The following SP140 variants were observed in gnomAD, a reference collection of about 807,000 sequenced individuals.
SP140 encodes SP140 nuclear body protein.
In SP140, 81 loss-of-function variants were observed where a neutral mutation model predicts 125.0. The observed-to-expected ratio is 0.65, with a 90% CI of 0.54 to 0.78. The LOEUF (loss-of-function observed/expected upper bound fraction) is 0.78, where lower values mean the gene tolerates loss of function less well. SP140 is among the 30% of genes least tolerant of loss of function. SP140 has a pLI of 0.00. For synonymous variants in SP140, 312 were observed against 354.0 expected, an observed-to-expected ratio of 0.88 and a Z score of 1.33; for missense variants, 858 against 1,037.0, an observed-to-expected ratio of 0.83 and a Z score of 2.37.
In SP140 at chr2:230,248,005, C is replaced by T. The variant is rs1208231188; in HGVS notation, c.832C>T (p.Pro278Ser). ...KQGEEEGRNS[P>S]RKRNQDKEKY... is the part of the protein sequence containing the mutation. ...GGGAGAGGAGGAAGGCAGGAACAGT[C>T]CCAGAAAAAGAAACCAAGACAAGGA... Residue 278 changes from proline (P) to serine (S), a missense_variant, in exon 8 of 27, where the codon CCC becomes TCC. Physicochemically the swap from Pro to Ser is moderately conservative, Grantham distance 74. This residue lies in a region of SP140 where 791 missense variants were observed against 869.5 expected (regional missense o/e 0.91). Coordinates refer to ENST00000392045, the MANE Select transcript of SP140 (RefSeq NM_007237.5). 1 of 1,613,394 alleles carries T rather than the reference C, an allele frequency of 6.2e-7. No individual in the cohort carries two copies. The highest frequency in any genetic ancestry group is 8.5e-7 in the Non-Finnish European group (1 of 1,179,788).
intron 12 of SP140, among the ~76,000 whole-genome samples, chr2:230,266,759 G>A (rs1049371940): frequency 6.6e-6 from 1 of 152,180 alleles, no homozygotes; most frequent in Non-Finnish European, 1.5e-5. Flanking sequence ...GCTCCTGGAA[G>A]CCAATCATAT....
rs777499527 is a variant in SP140, at chr2:230,284,394, A to T, written c.1547A>T (p.Glu516Val). The change falls in exon 16 of 27, where the codon GAA becomes GTA. Residue 516 changes from glutamate to valine, a missense_variant. Coordinates refer to ENST00000392045, the MANE Select transcript of SP140 (RefSeq NM_007237.5). ...AGCAGAATGAGAATGAGAAGGCAGG[A>T]AAACAGCCAACAAAATGGTAAGCAG... Reference protein sequence around the residue: ...GWSRMRMRRQENSQQNDNSKA... With the variant: ...GWSRMRMRRQVNSQQNDNSKA... 1 of 1,609,066 alleles carries T rather than the reference A, an allele frequency of 6.2e-7. No homozygotes were observed. Among genetic ancestry groups the T allele is most frequent in the Non-Finnish European group, 8.5e-7 (1 of 1,177,790 alleles).
chr2:230,253,462 T>A (rs1363388491), intron 11 of SP140, 45 bp downstream of exon 11: 3 of 1,457,828 alleles, frequency 2.1e-6, no homozygotes, highest in Middle Eastern at 1.7e-4. Context: ...CATCTTTGTT[T>A]TCCAGTTGGC....
chr2:230,285,891 G>A, intron 17 of SP140, 59 bp downstream of exon 17: 2 of 1,267,376 alleles, frequency 1.6e-6, no homozygotes, highest in South Asian at 1.2e-5. Flanking sequence ...ATTTTACTGA[G>A]GTATTGACGA....
chr2:230,187,593 T>C, the SP140 span, among the ~76,000 whole-genome samples: 1 of 152,132 alleles, frequency 6.6e-6, no homozygotes, highest in Non-Finnish European at 1.5e-5. Flanking sequence ...GAGTTTTTCC[T>C]AGGTTTTCTT....
intron 3 of SP140, among the ~76,000 whole-genome samples, chr2:230,218,253 C>G (rs2045442244): frequency 6.6e-6 from 1 of 152,228 alleles, no homozygotes; most frequent in Non-Finnish European, 1.5e-5. Context: ...TCGTAATTAA[C>G]AACTGTTTAC....
chr2:230,191,286 A>C, the SP140 span, among the ~76,000 whole-genome samples: 1 of 152,160 alleles, frequency 6.6e-6, no homozygotes, highest in Non-Finnish European at 1.5e-5. Context: ...GAAATAAGTA[A>C]GATCAGAGAA....
intron 1 of SP140, chr2:230,212,910 G>C: frequency 6.2e-7 from 1 of 1,614,116 alleles, no homozygotes; most frequent in Non-Finnish European, 8.5e-7. Context: ...GCTTGGTTGA[G>C]GGGGTTGTGG....
At chr2:230,257,274 C>T (rs542749771) in intron 12 of SP140, among the ~76,000 whole-genome samples, 7 of 151,368 alleles carry the variant, frequency 4.6e-5, no homozygotes, top group South Asian at 2.1e-4. Context: ...ATGTAATCTA[C>T]GATACGAGAT....
intron 3 of SP140, 162 bp downstream of exon 3, chr2:230,238,543 C>G: frequency 1.3e-6 from 1 of 788,456 alleles, no homozygotes. Context: ...GTCCCATGTC[C>G]TTATGGAGTT....
chr2:230,247,154 A>T lies in SP140; in HGVS notation c.743-762A>T, dbSNP rs181963920. 1.3e-4 allele frequency among the ~76,000 whole-genome samples: 20 copies of T among 152,272 alleles called. No individual in the cohort carries two copies. In the East Asian group the frequency reaches 3.9e-3, roughly 29 times the overall value. On this transcript the variant is annotated intron_variant, in intron 7 of 26. Transcript: ENST00000392045. ...CTATAACTTAATGATTTCAAAACAC[A>T]TATGTCCAGATTTATCTTCTAAGTT... is the stretch of plus-strand genomic sequence containing the variant.
rs113595451 is a variant in SP140, at chr2:230,241,258, C to G, written c.407-146C>G. ...TGATTTACACTTAAGATATGTGCCTCTCAATGAAAAAAAGGGGAACAAGGC... is the reference window on the plus strand; with the variant it reads ...TGATTTACACTTAAGATATGTGCCTGTCAATGAAAAAAAGGGGAACAAGGC... On this transcript the variant is annotated intron_variant, in intron 3 of 26. Coordinates refer to ENST00000392045, the MANE Select transcript of SP140 (RefSeq NM_007237.5). 4.5e-3 allele frequency: 2,936 copies of G among 648,892 alleles called. 52 individuals are homozygous for G. In the African/African-American group the frequency reaches 0.046, roughly 10 times the overall value. The allele number at this position is 648,892 out of a possible 1,614,324, so 40.2% of individuals were successfully genotyped here.
chr2:230,251,631 A>G (rs1453100872), intron 10 of SP140, among the ~76,000 whole-genome samples: 7 of 152,162 alleles, frequency 4.6e-5, no homozygotes, highest in Admixed American at 6.5e-5. Context: ...ACTTTTTATC[A>G]TTTTATTACA....
At chr2:230,186,279 A>G in the SP140 span, 2 of 797,558 alleles carry the variant, frequency 2.5e-6, no homozygotes, top group Non-Finnish European at 4.0e-6. Flanking sequence ...CCCCAGACTC[A>G]TAATACTTCC....
intron 18 of SP140, among the ~76,000 whole-genome samples, chr2:230,288,517 C>CTTTCTTTCTT (rs1304434808): frequency 1.4e-5 from 1 of 69,848 alleles, no homozygotes; most frequent in East Asian, 3.2e-4. Flanking sequence ...TTCTTTCTTT[C>CTTTCTTTCTT]TTTCTTTTTT....
chr2:230,266,764 T>C (rs887616518), intron 12 of SP140, among the ~76,000 whole-genome samples: 1 of 152,192 alleles, frequency 6.6e-6, no homozygotes, highest in Non-Finnish European at 1.5e-5. Flanking sequence ...TGGAAGCCAA[T>C]CATATTCCTT....
the SP140 span, among the ~76,000 whole-genome samples, chr2:230,186,449 T>C: frequency 6.6e-6 from 1 of 152,236 alleles, no homozygotes; most frequent in Non-Finnish European, 1.5e-5. Context: ...ACTCCACTGC[T>C]GAATGAATGT....
chr2:230,219,998 C>A lies in SP140; in HGVS notation c.-90-5757C>A, dbSNP rs1046074955. The stretch of plus-strand genomic sequence containing the variant: ...CAGGAAGTCTGTGCTTTGACAAACG[C>A]AGTAAGGGGCCGGGCTTCCGAGAAA... On this transcript the variant is annotated intron_variant, in intron 3 of 4. Coordinates refer to the SP140 transcript ENST00000456542. 9 of 985,560 alleles carry A rather than the reference C, an allele frequency of 9.1e-6. No individual in the cohort carries two copies. The African/African-American group carries it at 1.0e-4, about 11-fold the overall frequency. The allele number at this position is 985,560 out of a possible 1,614,324, so 61.1% of individuals were successfully genotyped here. A position where few individuals can be genotyped will look rare whatever the true frequency, so the allele number is the denominator to read the frequency against.
In SP140 at chr2:230,308,832, T is replaced by C. The variant is rs538279879; in HGVS notation, c.2059-1092T>C. Among the ~76,000 whole-genome samples the C allele has an allele frequency of 2.0e-5, 3 of 152,354 alleles. No homozygotes were observed. In the South Asian group the frequency reaches 6.2e-4, roughly 32 times the overall value. ...GATAGACCATTCTAGGCCCTCCCAG[T>C]GTTACCAGATGTCCAGGCTGCACAT... On this transcript the variant is annotated intron_variant, in intron 22 of 26. Coordinates refer to ENST00000392045, the MANE Select transcript of SP140 (RefSeq NM_007237.5).
Sources: allele counts gnomAD v4.1 joint callset (sites outside exome capture counted in the v4.1 genomes callset), GRCh38; gene constraint gnomAD v4.1.1; regional missense constraint gnomAD v4.1.1; transcripts MANE v1.5; gene names NCBI Gene and HGNC (gene_info 2026-07-23, HGNC 2026-07-21).